The following RIT2 variants were observed in gnomAD, a reference collection of about 807,000 sequenced individuals.
RIT2 encodes GTP-binding protein Rit2.
Under a neutral mutation model 23.7 loss-of-function variants are expected in RIT2, and 24 were observed. That is an observed-to-expected ratio of 1.01 (90% confidence interval 0.73 to 1.43). The LOEUF is 1.43. RIT2 is among the 40% of genes most tolerant of loss of function. RIT2 has a pLI of 0.00. For missense variants in RIT2, 236 were observed against 266.9 expected, an observed-to-expected ratio of 0.88 and a Z score of 0.81; for synonymous variants, 107 against 91.1, an observed-to-expected ratio of 1.17 and a Z score of -0.99.
At chr18:43,026,657 T>C (rs559158814) in intron 2 of RIT2, among the ~76,000 whole-genome samples, 2 of 147,868 alleles carry the variant, frequency 1.4e-5, no homozygotes, top group East Asian at 2.0e-4. Context: ...GGAAAGGCTG[T>C]AGATGAAAAA....
At chr18:42,793,551 A>T (rs554534624) in intron 4 of RIT2, among the ~76,000 whole-genome samples, 8 of 152,312 alleles carry the variant, frequency 5.3e-5, no homozygotes, top group African/African-American at 1.9e-4. Flanking sequence ...CAACATATTA[A>T]TGCCAAATAA....
chr18:43,020,885 G>C (rs1478242238), intron 2 of RIT2, among the ~76,000 whole-genome samples: 1 of 152,050 alleles, frequency 6.6e-6, no homozygotes, highest in Admixed American at 6.6e-5. Context: ...CGACCTGTTT[G>C]TAAGATCTGA....
intron 2 of RIT2, among the ~76,000 whole-genome samples, chr18:43,028,421 G>T (rs1489336335): frequency 6.6e-6 from 1 of 152,052 alleles, no homozygotes; most frequent in Non-Finnish European, 1.5e-5. Context: ...GTCCAGTGTG[G>T]TTGGTGCATA....
intron 4 of RIT2, among the ~76,000 whole-genome samples, chr18:42,795,164 C>G (rs1914129202): frequency 6.6e-6 from 1 of 152,216 alleles, no homozygotes; most frequent in South Asian, 2.1e-4. Context: ...AGGAGCCCTT[C>G]AGCCCACCAC....
intron 2 of RIT2, among the ~76,000 whole-genome samples, chr18:43,023,162 G>A (rs1911635758): frequency 6.6e-6 from 1 of 152,002 alleles, no homozygotes; most frequent in African/African-American, 2.4e-5. Flanking sequence ...GAGATCATAT[G>A]CTACTCATAT....
At chr18:43,100,549 C>T (rs1913659350) in intron 1 of RIT2, among the ~76,000 whole-genome samples, 1 of 152,018 alleles carries the variant, frequency 6.6e-6, no homozygotes, top group African/African-American at 2.4e-5. Flanking sequence ...ACAATTGAAA[C>T]ATGGAGAAGG....
intron 1 of RIT2, among the ~76,000 whole-genome samples, chr18:43,071,746 G>A (rs1001807597): frequency 1.3e-5 from 2 of 151,912 alleles, no homozygotes; most frequent in African/African-American, 4.8e-5. Context: ...AATATGATTG[G>A]TTTTCTTTAT....
chr18:42,753,876 G>T (rs568460646), intron 4 of RIT2, among the ~76,000 whole-genome samples: 1 of 152,216 alleles, frequency 6.6e-6, no homozygotes, highest in East Asian at 1.9e-4. Context: ...TTTAAAAAAA[G>T]AAAATCATCT....
At chr18:42,840,909 C>T (rs1257459559) in intron 4 of RIT2, among the ~76,000 whole-genome samples, 2 of 152,156 alleles carry the variant, frequency 1.3e-5, no homozygotes, top group Non-Finnish European at 2.9e-5. Context: ...GACTCAAAAC[C>T]GCGTCTGTCA....
chr18:42,814,888 A>G (rs1905951987), intron 4 of RIT2, among the ~76,000 whole-genome samples: 1 of 152,194 alleles, frequency 6.6e-6, no homozygotes, highest in Non-Finnish European at 1.5e-5. Flanking sequence ...GGAGCCTGGT[A>G]GACGTGCTGG....
intron 4 of RIT2, among the ~76,000 whole-genome samples, chr18:42,856,440 G>T (rs1907183843): frequency 6.6e-6 from 1 of 152,164 alleles, no homozygotes; most frequent in Non-Finnish European, 1.5e-5. Flanking sequence ...CATAAAACTA[G>T]ACAATTTCTC....
chr18:43,015,537 T>C (rs1019049549), intron 2 of RIT2, among the ~76,000 whole-genome samples: 1 of 151,664 alleles, frequency 6.6e-6, no homozygotes, highest in African/African-American at 2.4e-5. Context: ...AATTTTGGAG[T>C]CAGAGACATA....
chr18:43,022,510 A>G (rs552034576), intron 2 of RIT2, among the ~76,000 whole-genome samples: 40 of 152,236 alleles, frequency 2.6e-4, no homozygotes, highest in African/African-American at 9.4e-4. Context: ...TACCCTAAAT[A>G]CTGTCATTTG....
chr18:42,958,794 G>A (rs960310071), intron 3 of RIT2, among the ~76,000 whole-genome samples: 4 of 152,054 alleles, frequency 2.6e-5, no homozygotes, highest in Non-Finnish European at 5.9e-5. Flanking sequence ...CTGAAATTCT[G>A]TAAAGGCCTT....
In RIT2 at chr18:42,932,133, C is replaced by T. The variant is rs143907864; in HGVS notation, c.235-8370G>A. Among the ~76,000 whole-genome samples the T allele has an allele frequency of 3.3e-5, 5 of 152,172 alleles. No homozygotes were observed. In the East Asian group the frequency reaches 9.7e-4, roughly 29 times the overall value. Reference sequence around the variant, plus strand: ...CAGTTGTATTGAGAGGCCAGCACTCCCTCATGATAGAAATGAGGAAAGTGG... The same window carrying T: ...CAGTTGTATTGAGAGGCCAGCACTCTCTCATGATAGAAATGAGGAAAGTGG... On this transcript the variant is annotated intron_variant, in intron 3 of 4. Transcript: ENST00000326695.
At chr18:42,851,617 C>T (rs1907055949) in intron 4 of RIT2, among the ~76,000 whole-genome samples, 1 of 152,046 alleles carries the variant, frequency 6.6e-6, no homozygotes, top group African/African-American at 2.4e-5. Flanking sequence ...TTTGGGAGGT[C>T]GAGTCAGGTG....
chr18:43,076,055 C>T (rs778525091), intron 1 of RIT2, among the ~76,000 whole-genome samples: 40 of 152,324 alleles, frequency 2.6e-4, no homozygotes, highest in South Asian at 2.1e-4. Flanking sequence ...CTTTAGAGTG[C>T]TGTTGGCATT....
At chr18:43,008,183 AATTAAT>A (rs1680517196) in intron 2 of RIT2, among the ~76,000 whole-genome samples, 2 of 151,704 alleles carry the variant, frequency 1.3e-5, no homozygotes, top group African/African-American at 4.8e-5. Flanking sequence ...AGTAGAGAGC[AATTAAT>A]ATTAATATTT....
At chr18:42,929,902 T>C (rs1909284093) in intron 3 of RIT2, among the ~76,000 whole-genome samples, 1 of 152,034 alleles carries the variant, frequency 6.6e-6, no homozygotes, top group Non-Finnish European at 1.5e-5. Flanking sequence ...AGAAGCCAAG[T>C]CACTACTGAA....
Sources: gnomAD v4.1 joint callset for allele counts (sites outside exome capture counted in the v4.1 genomes callset) on GRCh38, gnomAD v4.1.1 for gene constraint, MANE v1.5 for transcripts, NCBI Gene and HGNC (gene_info 2026-07-23, HGNC 2026-07-21) for gene names.